The following CNTN5 variants were observed in gnomAD, a reference collection of about 807,000 sequenced individuals.
The protein encoded by CNTN5 is contactin 5, also known as contactin-5.
Under a neutral mutation model 129.1 loss-of-function variants are expected in CNTN5, and 77 were observed. That is an observed-to-expected ratio of 0.60 (90% confidence interval 0.50 to 0.72). The LOEUF (loss-of-function observed/expected upper bound fraction) is 0.72, where lower values mean the gene tolerates loss of function less well. Ranked by LOEUF, CNTN5 falls within the 30% of genes least tolerant of loss-of-function variation. The pLI is 0.00. For synonymous variants in CNTN5, 509 were observed against 465.6 expected (o/e 1.09, Z -1.20); for missense variants, 1,478 against 1,328.8 (o/e 1.11, Z -1.75).
intron 3 of CNTN5, among the ~76,000 whole-genome samples, chr11:99,574,516 CCCA>C (rs2135587404): frequency 6.6e-6 from 1 of 152,308 alleles, no homozygotes; most frequent in South Asian, 2.1e-4. Flanking sequence ...AATTTACATT[CCCA>C]CCAACAGTAT....
chr11:99,161,061 C>T (rs12804876), intron 1 of CNTN5, among the ~76,000 whole-genome samples: 39,022 of 151,924 alleles, frequency 0.26, 5,416 homozygotes, highest in Middle Eastern at 0.32. Context: ...AAGTGGACCA[C>T]GGAGGGAACA....
At chr11:99,549,092 C>T (rs57230791) in intron 2 of CNTN5, among the ~76,000 whole-genome samples, 10,950 of 146,966 alleles carry the variant, frequency 0.075, 823 homozygotes, top group East Asian at 0.35. Flanking sequence ...GTGTCAATTC[C>T]TTTTTTTTTT....
At chr11:99,888,748 C>T (rs1948966638) in intron 6 of CNTN5, among the ~76,000 whole-genome samples, 1 of 152,128 alleles carries the variant, frequency 6.6e-6, no homozygotes, top group African/African-American at 2.4e-5. Flanking sequence ...AGGACATTAT[C>T]CTCAGTGCTC....
intron 2 of CNTN5, among the ~76,000 whole-genome samples, chr11:99,513,494 G>T (rs1421523511): frequency 6.6e-6 from 1 of 152,084 alleles, no homozygotes; most frequent in Non-Finnish European, 1.5e-5. Flanking sequence ...AGAAGTTAAT[G>T]CCTGGCTTTA....
intron 17 of CNTN5, among the ~76,000 whole-genome samples, 153 bp downstream of exon 17, chr11:100,256,071 C>G (rs548785253): frequency 6.6e-6 from 1 of 152,064 alleles, no homozygotes; most frequent in Non-Finnish European, 1.5e-5. Flanking sequence ...TTTTTATGAA[C>G]CTGAGAAGAG....
In CNTN5 at chr11:100,271,173, T is replaced by C; in HGVS notation, c.2246T>C (p.Val749Ala). ...TGGGTGGAATATGAATTTCGAGTGG[T>C]AGCCACCAACCCTATTGGGACAGGA... ...NPWVEYEFRVVATNPIGTGDP... is the reference protein window; with the variant it reads ...NPWVEYEFRVAATNPIGTGDP... Residue 749 changes from valine to alanine, a missense_variant, in exon 18 of 25, where the codon GTA becomes GCA. Transcript: ENST00000524871. 1 of 1,613,306 alleles carries C rather than the reference T, an allele frequency of 6.2e-7. No individual in the cohort carries two copies. The highest frequency in any genetic ancestry group is 8.5e-7 in the Non-Finnish European group (1 of 1,179,588).
chr11:99,784,795 G>GGTTTTTTTTTTTTTTTTT (rs1565528297), intron 3 of CNTN5, among the ~76,000 whole-genome samples: 1 of 93,916 alleles, frequency 1.1e-5, no homozygotes. Flanking sequence ...ATCTCATTGT[G>GGTTTTTTTTTTTTTTTTT]TTTTTTTTTT....
intron 2 of CNTN5, among the ~76,000 whole-genome samples, chr11:99,462,355 CTTTTCTT>C (rs1317834812): frequency 1.1e-5 from 1 of 88,334 alleles, no homozygotes; most frequent in African/African-American, 3.9e-5. Context: ...TTTTTCTTTT[CTTTTCTT>C]TTTTTTTTTT....
chr11:99,997,126 CT>C (rs1234896509), intron 8 of CNTN5, among the ~76,000 whole-genome samples: 1 of 152,154 alleles, frequency 6.6e-6, no homozygotes, highest in Non-Finnish European at 1.5e-5. Context: ...ATTCTTCTCT[CT>C]TTTTTTCTTT....
chr11:99,769,197 C>G (rs1275677763), intron 3 of CNTN5, among the ~76,000 whole-genome samples: 1 of 152,072 alleles, frequency 6.6e-6, no homozygotes, highest in African/African-American at 2.4e-5. Flanking sequence ...CTGTTGTCTT[C>G]TTTATTCCTT....
intron 2 of CNTN5, among the ~76,000 whole-genome samples, chr11:99,449,991 T>A (rs967842370): frequency 1.3e-5 from 2 of 152,154 alleles, no homozygotes. Flanking sequence ...AAACCCTTAA[T>A]ATTTTTTTGA....
chr11:99,810,424 A>C (rs1039553155), intron 3 of CNTN5, among the ~76,000 whole-genome samples: 1 of 152,068 alleles, frequency 6.6e-6, no homozygotes, highest in African/African-American at 2.4e-5. Context: ...GGAACTATCA[A>C]AGTTTAAATG....
At chr11:99,534,552 A>G (rs1194391260) in intron 2 of CNTN5, among the ~76,000 whole-genome samples, 1 of 152,246 alleles carries the variant, frequency 6.6e-6, no homozygotes, top group Non-Finnish European at 1.5e-5. Flanking sequence ...ATAAGTCATC[A>G]TTTAATAAAT....
rs186786937 is a variant in CNTN5, at chr11:99,456,874, A to G, written c.-70-99271A>G. ...GGGCACATTCTCAAAGAATATGACT[A>G]GATATTTTAATTTAAATATTTTAAT... On this transcript the variant is annotated intron_variant, in intron 2 of 24. Transcript: ENST00000524871. Among the ~76,000 whole-genome samples the G allele has an allele frequency of 1.6e-3, 247 of 152,212 alleles. 1 individual carries two copies. Among genetic ancestry groups the G allele is most frequent in the African/African-American group, 5.7e-3 (235 of 41,572 alleles).
intron 1 of CNTN5, among the ~76,000 whole-genome samples, chr11:99,105,132 C>G (rs976031221): frequency 2.0e-5 from 3 of 152,180 alleles, no homozygotes; most frequent in Non-Finnish European, 2.9e-5. Flanking sequence ...TCTGCACCTA[C>G]TTGCTATGTA....
chr11:99,554,419 C>A lies in CNTN5; in HGVS notation c.-70-1726C>A, dbSNP rs187960778. Among the ~76,000 whole-genome samples the A allele has an allele frequency of 2.6e-5, 4 of 152,142 alleles. No individual in the cohort carries two copies. In the East Asian group the frequency reaches 7.7e-4, roughly 29 times the overall value. Reference sequence around the variant, plus strand: ...CTGCTATCTTCATGAGTCAATGCTCCTTTTGATGGCTCTCAACCCATGTAT... The same window carrying A: ...CTGCTATCTTCATGAGTCAATGCTCATTTTGATGGCTCTCAACCCATGTAT... On this transcript the variant is annotated intron_variant, in intron 2 of 24. Coordinates refer to ENST00000524871, the MANE Select transcript of CNTN5 (RefSeq NM_014361.4).
At chr11:99,110,660 A>G (rs996730874) in intron 1 of CNTN5, among the ~76,000 whole-genome samples, 1 of 152,168 alleles carries the variant, frequency 6.6e-6, no homozygotes, top group Admixed American at 6.6e-5. Context: ...TCAGCAGATA[A>G]TTACTCTAGA....
At chr11:99,719,830 G>C (rs1380741302) in intron 3 of CNTN5, among the ~76,000 whole-genome samples, 1 of 151,930 alleles carries the variant, frequency 6.6e-6, no homozygotes, top group Non-Finnish European at 1.5e-5. Context: ...AACACATTTA[G>C]AAATGACAAA....
In CNTN5 at chr11:100,308,370, G is replaced by T. The variant is rs553304242; in HGVS notation, c.2632G>T (p.Ala878Ser). ...ICSAEGEPSA[A>S]PTDVKATSVS... Reference sequence around the variant, plus strand: ...TTTCCTTCATACAGAACCCAGTGCTGCTCCCACAGATGTCAAGGCGACAAG... The same window carrying T: ...TTTCCTTCATACAGAACCCAGTGCTTCTCCCACAGATGTCAAGGCGACAAG... Residue 878 changes from alanine to serine, a missense_variant, in exon 21 of 25, where the codon GCT becomes TCT. Ala to Ser is a moderately conservative substitution (Grantham distance 99, BLOSUM62 1). Coordinates refer to ENST00000524871, the MANE Select transcript of CNTN5 (RefSeq NM_014361.4). 3 of 1,610,582 alleles carry T rather than the reference G, an allele frequency of 1.9e-6. No homozygotes were observed. Among genetic ancestry groups the T allele is most frequent in the East Asian group, 2.2e-5 (1 of 44,786 alleles).
Sources: allele counts gnomAD v4.1 joint callset (sites outside exome capture counted in the v4.1 genomes callset), GRCh38; gene constraint gnomAD v4.1.1; transcripts MANE v1.5; gene names NCBI Gene and HGNC (gene_info 2026-07-23, HGNC 2026-07-21).